Variants in RTF2 observed in about 807,000 individuals in gnomAD.
RTF2 encodes replication termination factor 2, also known as UPF0549 protein C20orf43.
RTF2 carries 18 observed loss-of-function variants against 38.0 expected under a neutral mutation model. The ratio of observed to expected loss-of-function variants is 0.47; its 90% CI spans 0.33 to 0.70. The LOEUF is 0.70. Ranked by LOEUF, RTF2 falls within the 30% of genes least tolerant of loss-of-function variation. The pLI, the probability that RTF2 is intolerant of heterozygous loss-of-function variation, is 0.02. For missense variants in RTF2, 311 were observed against 379.6 expected, an observed-to-expected ratio of 0.82 and a Z score of 1.50; for synonymous variants, 126 against 137.1, an observed-to-expected ratio of 0.92 and a Z score of 0.57.
chr20:56,484,778 T>G (rs1470392399), intron 5 of RTF2, among the ~76,000 whole-genome samples: 1 of 152,230 alleles, frequency 6.6e-6, no homozygotes, highest in Admixed American at 6.5e-5. Flanking sequence ...TTTGCTTTAA[T>G]GGCGCTGCTG....
intron 5 of RTF2, among the ~76,000 whole-genome samples, chr20:56,487,552 A>G (rs543746704): frequency 6.6e-6 from 1 of 152,226 alleles, no homozygotes; most frequent in Non-Finnish European, 1.5e-5. Context: ...TGTCTTAAAG[A>G]TACATCTGTT....
At chr20:56,513,595 C>T (rs1235878449) in intron 6 of RTF2, among the ~76,000 whole-genome samples, 167 bp downstream of exon 6, 1 of 152,198 alleles carries the variant, frequency 6.6e-6, no homozygotes, top group Non-Finnish European at 1.5e-5. Context: ...GGCCCAGGCA[C>T]TGCCTTGCTG....
chr20:56,514,313 A>T (rs554610806), intron 6 of RTF2: 1 of 152,230 alleles, frequency 6.6e-6, no homozygotes, highest in East Asian at 1.9e-4. Flanking sequence ...TAGCTATGGA[A>T]TACAGGCCTT....
chr20:56,513,221 G>C lies in RTF2; in HGVS notation c.478-94G>C, dbSNP rs936055143. 3 of 1,487,714 alleles carry C rather than the reference G, an allele frequency of 2.0e-6. No individual in the cohort carries two copies. The African/African-American group carries it at 4.2e-5, about 21-fold the overall frequency. 92.2% of individuals were successfully genotyped at this position (1,487,714 alleles called of 1,614,324 possible). On this transcript the variant is annotated intron_variant, in intron 5 of 8. Coordinates refer to ENST00000357348, the MANE Select transcript of RTF2 (RefSeq NM_016407.5). ...GTAATAGGAATTTACTCGGAGCCTG[G>C]GGGCCACTGCTTGGGGCTGAGAGTG...
At chr20:56,506,173 A>G (rs1285305801) in intron 5 of RTF2, among the ~76,000 whole-genome samples, 5 of 152,172 alleles carry the variant, frequency 3.3e-5, no homozygotes, top group East Asian at 1.9e-4. Context: ...ACTGTGTCCA[A>G]TGTGGGCAGA....
At chr20:56,510,659 G>C (rs1272943267) in intron 5 of RTF2, among the ~76,000 whole-genome samples, 2 of 152,242 alleles carry the variant, frequency 1.3e-5, no homozygotes, top group African/African-American at 2.4e-5. Context: ...TTAAACTGAG[G>C]CTAGGCATGG....
chr20:56,514,585 TAAC>T (rs1431555713), intron 6 of RTF2, among the ~76,000 whole-genome samples: 3 of 152,158 alleles, frequency 2.0e-5, no homozygotes, highest in Admixed American at 6.5e-5. Flanking sequence ...TAAAAAATCA[TAAC>T]AAGACAGGAC....
At chr20:56,495,553 C>T (rs1474300786) in intron 5 of RTF2, among the ~76,000 whole-genome samples, 1 of 152,194 alleles carries the variant, frequency 6.6e-6, no homozygotes, top group African/African-American at 2.4e-5. Flanking sequence ...CATCTTTGTA[C>T]TTGGGTTTCA....
At chr20:56,470,538 C>T (rs543369098) in intron 1 of RTF2, 190 of 454,614 alleles carry the variant, frequency 4.2e-4, no homozygotes, top group Non-Finnish European at 7.6e-4. Context: ...TGGTTCCTAA[C>T]GCAGAGCACC....
intron 5 of RTF2, among the ~76,000 whole-genome samples, chr20:56,512,312 G>A (rs978883710): frequency 3.9e-5 from 6 of 152,128 alleles, no homozygotes; most frequent in Admixed American, 1.3e-4. Context: ...GTCCCCAGCC[G>A]TGAGCACCTC....
At chr20:56,487,357 G>A in intron 5 of RTF2, among the ~76,000 whole-genome samples, 1 of 152,182 alleles carries the variant, frequency 6.6e-6, no homozygotes, top group South Asian at 2.1e-4. Flanking sequence ...TCAAGAGAAG[G>A]GAAGGAAGCA....
chr20:56,508,760 A>G (rs565425197), intron 5 of RTF2, among the ~76,000 whole-genome samples: 24 of 152,350 alleles, frequency 1.6e-4, no homozygotes, highest in African/African-American at 4.8e-4. Flanking sequence ...GGCCAAGTCA[A>G]TTCGATGGGG....
Position 56,517,110 on chromosome 20 carries a change from C to T in RTF2, c.651C>T (p.Ala217=). 1 of 1,614,072 alleles carries T rather than the reference C, an allele frequency of 6.2e-7. No homozygotes were observed. The highest frequency in any genetic ancestry group is 8.5e-7 in the Non-Finnish European group (1 of 1,180,000). The change falls in exon 8 of 9, where the codon GCC becomes GCT. Residue 217 remains alanine (A), a synonymous_variant. Coordinates refer to ENST00000357348, the MANE Select transcript of RTF2 (RefSeq NM_016407.5). The stretch of plus-strand genomic sequence containing the variant: ...CCTACTTTGTTTCTTTTACAGAAGC[C>T]CCAGGGCCATCAAAAGTTAAGACAG... ...SVSKPDVSEE[A]PGPSKVKTGK... is the part of the protein sequence containing the mutation.
At chr20:56,500,640 C>G (rs553146051) in intron 5 of RTF2, among the ~76,000 whole-genome samples, 24 of 152,308 alleles carry the variant, frequency 1.6e-4, no homozygotes, top group Middle Eastern at 3.4e-3. Flanking sequence ...TACCTTGGTT[C>G]CATCAGCACC....
At chr20:56,496,971 G>A in intron 5 of RTF2, 4 of 1,551,632 alleles carry the variant, frequency 2.6e-6, no homozygotes, top group Non-Finnish European at 3.5e-6. Flanking sequence ...TTCTCTGTTG[G>A]TTTTGATGGG....
rs772688182 is a variant in RTF2, at chr20:56,519,074, G to A, written c.*809G>A. 9.9e-5 allele frequency: 15 copies of A among 152,192 alleles called. No individual in the cohort carries two copies. Among genetic ancestry groups the A allele is most frequent in the African/African-American group, 2.2e-4 (9 of 41,432 alleles). 9.4% of individuals were successfully genotyped at this position (152,192 alleles called of 1,614,324 possible). Reference sequence around the variant, plus strand: ...TTATCTGCCTATAAGTTGTGTTGACGTCAATAGCTAGTGAAACTTCTCATG... The same window carrying A: ...TTATCTGCCTATAAGTTGTGTTGACATCAATAGCTAGTGAAACTTCTCATG... On this transcript the variant is annotated 3_prime_UTR_variant, in exon 9 of 9. Transcript: ENST00000357348.
rs11481363 is a variant in RTF2 at position 56,489,221 on chromosome 20, A to ATT, written c.477+5047_477+5048dup. ...CAGGCGCCCACCACCATGCCTGGTT[A>ATT]TTTTTTTTTTTTTTTTGTATTTTTA... is the stretch of plus-strand genomic sequence containing the variant. On this transcript the variant is annotated intron_variant, in intron 5 of 8. Coordinates refer to ENST00000357348, the MANE Select transcript of RTF2 (RefSeq NM_016407.5). 5.4e-3 allele frequency among the ~76,000 whole-genome samples: 741 copies of ATT among 136,706 alleles called. 7 individuals carry two copies. Among genetic ancestry groups the ATT allele is most frequent in the Middle Eastern group, 0.019 (5 of 270 alleles). 89.7% of individuals were successfully genotyped at this position (136,706 alleles called of 152,430 possible).
intron 5 of RTF2, among the ~76,000 whole-genome samples, chr20:56,485,587 G>A (rs1393884402): frequency 1.3e-5 from 2 of 152,206 alleles, no homozygotes; most frequent in African/African-American, 4.8e-5. Flanking sequence ...AGGTGAGTGG[G>A]GAAGAGGTCA....
chr20:56,492,355 G>C (rs150866537), intron 5 of RTF2, among the ~76,000 whole-genome samples: 3,533 of 150,386 alleles, frequency 0.023, 149 homozygotes, highest in African/African-American at 0.081. Flanking sequence ...TGGGATTACA[G>C]GTGTGAGCCA....
Sources: gnomAD v4.1 joint callset for allele counts (sites outside exome capture counted in the v4.1 genomes callset) on GRCh38, gnomAD v4.1.1 for gene constraint, MANE v1.5 for transcripts, NCBI Gene and HGNC (gene_info 2026-07-23, HGNC 2026-07-21) for gene names.